TRAIP: variants seen among roughly 807,000 people sequenced by gnomAD.
The protein encoded by TRAIP is E3 ubiquitin-protein ligase TRAIP.
A neutral mutation model predicts 65.0 loss-of-function variants in TRAIP; 37 were observed. That is an observed-to-expected ratio of 0.57 (90% confidence interval 0.44 to 0.75). The LOEUF (loss-of-function observed/expected upper bound fraction) is 0.75. Ranked by LOEUF, TRAIP falls within the 30% of genes least tolerant of loss-of-function variation. The probability of loss-of-function intolerance (pLI) is 0.00; values close to 1 mark genes in which losing one functional copy is unlikely to be tolerated. For missense variants in TRAIP, 481 were observed against 579.4 expected (o/e 0.83, Z 1.74); for synonymous variants, 187 against 219.1 (o/e 0.85, Z 1.29).
intron 4 of TRAIP, 80 bp from the exon 5 acceptor site, chr3:49,844,008 T>G: frequency 6.6e-7 from 1 of 1,522,554 alleles, no homozygotes; most frequent in South Asian, 1.3e-5. Flanking sequence ...TTGGATTCAG[T>G]GCCTCATCCC....
At chr3:49,852,224 A>G (rs1321392374) in intron 1 of TRAIP, among the ~76,000 whole-genome samples, 2 of 150,224 alleles carry the variant, frequency 1.3e-5, no homozygotes, top group African/African-American at 4.9e-5. Context: ...AAAATTAGCC[A>G]GGCACGGTGG....
intron 11 of TRAIP, 122 bp from the exon 12 acceptor site, chr3:49,830,190 T>C: frequency 9.0e-7 from 1 of 1,114,794 alleles, no homozygotes; most frequent in Non-Finnish European, 1.3e-6. Context: ...GCCTGCATTC[T>C]GGGCAAGGCA....
chr3:49,829,019 C>A lies in TRAIP; in HGVS notation c.*84G>T. The A allele has an allele frequency of 6.3e-7, 1 of 1,593,504 alleles. No homozygotes were observed. ...CCTCAGGCTGGTCCCGAAAGTGGGG[C>A]TCTGTCCACAAAACCCCTGCCTGGA... is the stretch of plus-strand genomic sequence containing the variant. On this transcript the variant is annotated 3_prime_UTR_variant, in exon 15 of 15. Transcript: ENST00000331456.
chr3:49,849,773 C>A (rs1483436183), intron 1 of TRAIP, among the ~76,000 whole-genome samples: 1 of 151,876 alleles, frequency 6.6e-6, no homozygotes, highest in Non-Finnish European at 1.5e-5. Flanking sequence ...GAAACTAAGT[C>A]CTCTCTGGAA....
chr3:49,855,919 G>A (rs913022636), intron 1 of TRAIP, among the ~76,000 whole-genome samples: 1 of 152,224 alleles, frequency 6.6e-6, no homozygotes, highest in Non-Finnish European at 1.5e-5. Context: ...ACATTGGGGT[G>A]TCTGGACAGT....
chr3:49,842,091 T>C lies in TRAIP; in HGVS notation c.504-152A>G, dbSNP rs551401723. ...GGTGGGTGTGCCCAAGGAAAGGCCC[T>C]GTGGCAGAGATGAGCATAGCTCCAA... On this transcript the variant is annotated intron_variant, in intron 6 of 14. Transcript: ENST00000331456. The C allele has an allele frequency of 2.0e-4, 134 of 669,606 alleles. 3 individuals are homozygous for C. The South Asian group carries it at 2.3e-3, about 12-fold the overall frequency. 41.5% of individuals were successfully genotyped at this position (669,606 alleles called of 1,614,324 possible).
intron 11 of TRAIP, among the ~76,000 whole-genome samples, chr3:49,831,545 C>T (rs1051111243): frequency 1.3e-5 from 2 of 152,246 alleles, no homozygotes; most frequent in Non-Finnish European, 2.9e-5. Context: ...GCATGAGCCT[C>T]AGAGGCAAAC....
chr3:49,831,409 C>T (rs7645061), intron 11 of TRAIP, among the ~76,000 whole-genome samples: 72,587 of 152,154 alleles, frequency 0.48, 18,243 homozygotes, highest in African/African-American at 0.59. Flanking sequence ...CTGGTCCCAC[C>T]GTACCCCAGA....
rs773058209 is a variant in TRAIP, at chr3:49,829,772, G to A, written c.1087-6C>T. The A allele has an allele frequency of 6.2e-7, 1 of 1,613,934 alleles. No homozygotes were observed. The highest frequency in any genetic ancestry group is 1.7e-5 in the Admixed American group (1 of 59,980). ...CCCAGTGAGAGCTGGGACTCCTGCA[G>A]GGAAGACCCCAGGGCCAGACTTGAT... On this transcript the variant is annotated splice_polypyrimidine_tract_variant and splice_region_variant and intron_variant, in intron 12 of 14. Transcript: ENST00000331456.
chr3:49,851,900 T>C (rs1208592322), intron 1 of TRAIP, among the ~76,000 whole-genome samples: 3 of 148,740 alleles, frequency 2.0e-5, no homozygotes, highest in Non-Finnish European at 3.0e-5. Flanking sequence ...GGTTTCACCA[T>C]GTTAGCCAGG....
chr3:49,834,527 T>C (rs1281737022), intron 10 of TRAIP, among the ~76,000 whole-genome samples: 1 of 152,232 alleles, frequency 6.6e-6, no homozygotes, highest in Non-Finnish European at 1.5e-5. Flanking sequence ...CTAATCTGCA[T>C]TGGTAGAACA....
intron 10 of TRAIP, among the ~76,000 whole-genome samples, chr3:49,833,926 GT>G (rs1421266339): frequency 6.6e-6 from 1 of 152,046 alleles, no homozygotes; most frequent in East Asian, 1.9e-4. Flanking sequence ...TCCCTCACTG[GT>G]TGAGGCTGGC....
Position 49,852,572 on chromosome 3 carries a change from A to G in TRAIP, c.98+3784T>C, listed in dbSNP as rs542510233. On this transcript the variant is annotated intron_variant, in intron 1 of 14. Coordinates refer to ENST00000331456, the MANE Select transcript of TRAIP (RefSeq NM_005879.3). ...AGATCAAGACCATCCTGACTAACAC[A>G]GTGAAACCCCATCTCTACTAAAAAT... Among the ~76,000 whole-genome samples the G allele has an allele frequency of 4.0e-5, 6 of 151,392 alleles. No homozygotes were observed. The East Asian group carries it at 9.9e-4, about 25-fold the overall frequency.
intron 10 of TRAIP, 56 bp from the exon 11 acceptor site, chr3:49,832,124 G>T: frequency 3.4e-6 from 5 of 1,476,906 alleles, no homozygotes; most frequent in Non-Finnish European, 3.6e-6. Flanking sequence ...CAGGACAACA[G>T]CTCCTGAAGC....
chr3:49,847,260 C>T (rs181426732), intron 3 of TRAIP, among the ~76,000 whole-genome samples: 7 of 151,348 alleles, frequency 4.6e-5, no homozygotes, highest in Non-Finnish European at 7.4e-5. Flanking sequence ...TGCACCCCTA[C>T]AGTCCTAGCT....
At chr3:49,842,614 G>C in intron 5 of TRAIP, 67 bp from the exon 6 acceptor site, 3 of 1,448,690 alleles carry the variant, frequency 2.1e-6, no homozygotes, top group Non-Finnish European at 1.9e-6. Flanking sequence ...AAGTCACTAG[G>C]AAAACTCTGC....
intron 1 of TRAIP, 118 bp downstream of exon 1, chr3:49,856,238 G>A: frequency 1.2e-6 from 1 of 856,332 alleles, no homozygotes; most frequent in Non-Finnish European, 1.8e-6. Flanking sequence ...CCTCGTCTAG[G>A]AGGAAGGTTC....
chr3:49,831,825 C>T (rs569444793), intron 11 of TRAIP, 91 bp downstream of exon 11: 7 of 1,371,792 alleles, frequency 5.1e-6, no homozygotes, highest in Non-Finnish European at 6.7e-6. Context: ...ACTGCCCCAT[C>T]AGCCACTCAG....
intron 1 of TRAIP, among the ~76,000 whole-genome samples, chr3:49,854,782 T>C (rs1402871730): frequency 6.6e-6 from 1 of 151,948 alleles, no homozygotes; most frequent in Non-Finnish European, 1.5e-5. Context: ...CAAGGCTGGG[T>C]GCGGTGGTTC....
Sources: gnomAD v4.1 joint callset for allele counts (sites outside exome capture counted in the v4.1 genomes callset) on GRCh38, gnomAD v4.1.1 for gene constraint, MANE v1.5 for transcripts, NCBI Gene and HGNC (gene_info 2026-07-23, HGNC 2026-07-21) for gene names.